NRXN1: variants seen among roughly 807,000 people sequenced by gnomAD.
NRXN1 encodes the protein neurexin-1.
A neutral mutation model predicts 150.9 loss-of-function variants in NRXN1; 39 were observed. The ratio of observed to expected loss-of-function variants is 0.26; its 90% CI spans 0.20 to 0.34. The LOEUF is 0.34. Ranked by LOEUF, NRXN1 falls within the 10% of genes least tolerant of loss-of-function variation. The pLI, the probability that NRXN1 is intolerant of heterozygous loss-of-function variation, is 1.00. For synonymous variants in NRXN1, 924 were observed against 757.0 expected (o/e 1.22, Z -3.62); for missense variants, 1,815 against 1,949.9 (o/e 0.93, Z 1.30).
rs1245871237 is a variant in NRXN1 at position 50,982,270 on chromosome 2, C to A, written c.772+45232G>T. 3.3e-5 allele frequency among the ~76,000 whole-genome samples: 5 copies of A among 152,068 alleles called. No individual in the cohort carries two copies. The South Asian group carries it at 6.2e-4, about 19-fold the overall frequency. On this transcript the variant is annotated intron_variant, in intron 2 of 22. Transcript: ENST00000401669. ...TTGTAAGACTTTCTGAAGAACAAATCAAGACTATTTAGTACCAGATATAAA... is the reference window on the plus strand; with the variant it reads ...TTGTAAGACTTTCTGAAGAACAAATAAAGACTATTTAGTACCAGATATAAA...
chr2:50,478,115 G>A (rs2090141498), intron 15 of NRXN1, among the ~76,000 whole-genome samples: 1 of 152,072 alleles, frequency 6.6e-6, no homozygotes, highest in Non-Finnish European at 1.5e-5. Flanking sequence ...TACACTGAGA[G>A]AGCTTGTCTT....
chr2:49,923,876 A>T (rs1241639019), intron 22 of NRXN1, among the ~76,000 whole-genome samples: 1 of 152,212 alleles, frequency 6.6e-6, no homozygotes, highest in Non-Finnish European at 1.5e-5. Context: ...TTTTATGCTG[A>T]ATGTGTCATT....
intron 18 of NRXN1, among the ~76,000 whole-genome samples, chr2:50,099,365 CTTT>C (rs60580965): frequency 6.6e-6 from 1 of 151,484 alleles, no homozygotes; most frequent in Non-Finnish European, 1.5e-5. Context: ...CATCAATTTT[CTTT>C]TTTTTAATTG....
chr2:50,142,619 C>T (rs986979738), intron 18 of NRXN1, among the ~76,000 whole-genome samples: 1 of 151,404 alleles, frequency 6.6e-6, no homozygotes, highest in Non-Finnish European at 1.5e-5. Flanking sequence ...AAAATCAAAC[C>T]ATGAAAGCTA....
At chr2:50,461,004 T>G (rs1474312688) in intron 17 of NRXN1, among the ~76,000 whole-genome samples, 4 of 152,022 alleles carry the variant, frequency 2.6e-5, no homozygotes, top group South Asian at 4.1e-4. Context: ...GTAACATTAC[T>G]CAGATCCAGG....
At chr2:50,593,827 T>C (rs1386710952) in intron 8 of NRXN1, among the ~76,000 whole-genome samples, 1 of 152,168 alleles carries the variant, frequency 6.6e-6, no homozygotes, top group Non-Finnish European at 1.5e-5. Context: ...ATGACATATA[T>C]TGTAAATGTT....
At chr2:49,922,955 A>T (rs1668481688) in intron 22 of NRXN1, among the ~76,000 whole-genome samples, 1 of 152,228 alleles carries the variant, frequency 6.6e-6, no homozygotes, top group African/African-American at 2.4e-5. Flanking sequence ...AGTTTTAAAT[A>T]CAGTCTAGAT....
chr2:50,990,420 T>A (rs1320957745), intron 2 of NRXN1, among the ~76,000 whole-genome samples: 1 of 152,036 alleles, frequency 6.6e-6, no homozygotes, highest in Non-Finnish European at 1.5e-5. Flanking sequence ...TCATTACACT[T>A]TTCTTATCTA....
chr2:50,538,304 A>G lies in NRXN1; in HGVS notation c.2092T>C (p.Tyr698His), dbSNP rs1351258948. 4 of 1,613,766 alleles carry G rather than the reference A, an allele frequency of 2.5e-6. No individual in the cohort carries two copies. The highest frequency in any genetic ancestry group is 3.4e-6 in the Non-Finnish European group (4 of 1,179,838). ...NGMCRDGWNR[Y>H]VCDCSGTGYL... Reference sequence around the variant, plus strand: ...CCTGTTCCGGAACAATCACAGACATATCTGTTCCACCCATCCCTGCACATG... The same window carrying G: ...CCTGTTCCGGAACAATCACAGACATGTCTGTTCCACCCATCCCTGCACATG... Residue 698 changes from tyrosine (Y) to histidine (H), a missense_variant, in exon 10 of 23, where the codon TAT (tyrosine) becomes CAT (histidine). Transcript: ENST00000401669.
intron 21 of NRXN1, among the ~76,000 whole-genome samples, chr2:49,957,919 C>A (rs541017761): frequency 4.1e-4 from 63 of 152,280 alleles, no homozygotes; most frequent in African/African-American, 1.5e-3. Context: ...ATAAAAATAA[C>A]AGCGGGAATA....
intron 5 of NRXN1, among the ~76,000 whole-genome samples, chr2:50,628,391 T>C (rs923368806): frequency 6.6e-6 from 1 of 151,774 alleles, no homozygotes; most frequent in African/African-American, 2.4e-5. Context: ...AAAAATTCAG[T>C]CTGTGGAATA....
At chr2:50,263,434 T>G (rs2068513618) in intron 17 of NRXN1, among the ~76,000 whole-genome samples, 1 of 152,058 alleles carries the variant, frequency 6.6e-6, no homozygotes, top group Admixed American at 6.6e-5. Flanking sequence ...GAGGTCCAAA[T>G]GACACAAATT....
At chr2:50,948,943 T>A (rs1037477157) in intron 2 of NRXN1, among the ~76,000 whole-genome samples, 2 of 152,102 alleles carry the variant, frequency 1.3e-5, no homozygotes, top group African/African-American at 4.8e-5. Flanking sequence ...ATCCACCAAT[T>A]TTGGATCTGG....
At chr2:50,991,185 T>C (rs1275846590) in intron 2 of NRXN1, among the ~76,000 whole-genome samples, 4 of 152,064 alleles carry the variant, frequency 2.6e-5, no homozygotes, top group African/African-American at 9.7e-5. Context: ...TTCCTTTGTC[T>C]ATTCTGAAAT....
chr2:50,819,909 G>T (rs1302242107), intron 5 of NRXN1, among the ~76,000 whole-genome samples: 1 of 151,980 alleles, frequency 6.6e-6, no homozygotes, highest in Non-Finnish European at 1.5e-5. Flanking sequence ...TCCTGTGTTT[G>T]CCATTTGCAT....
At chr2:50,237,420 A>C (rs537835665) in intron 17 of NRXN1, among the ~76,000 whole-genome samples, 1 of 152,032 alleles carries the variant, frequency 6.6e-6, no homozygotes, top group South Asian at 2.1e-4. Context: ...AAGTCGCAAC[A>C]AATGTGCTAG....
chr2:50,072,895 G>C (rs1476592093), intron 19 of NRXN1, among the ~76,000 whole-genome samples: 1 of 152,100 alleles, frequency 6.6e-6, no homozygotes, highest in Non-Finnish European at 1.5e-5. Context: ...ATGACCTCAA[G>C]ATCCCCTATA....
At chr2:51,014,947 G>C (rs1456555779) in intron 2 of NRXN1, among the ~76,000 whole-genome samples, 1 of 152,048 alleles carries the variant, frequency 6.6e-6, no homozygotes, top group African/African-American at 2.4e-5. Context: ...ATGACAGCTA[G>C]AGACAAAGAA....
intron 2 of NRXN1, among the ~76,000 whole-genome samples, chr2:50,949,056 T>C (rs1242856858): frequency 6.6e-6 from 1 of 152,042 alleles, no homozygotes; most frequent in Non-Finnish European, 1.5e-5. Context: ...ATATAATTAA[T>C]TAGTCCAGCA....
Sources: gnomAD v4.1 joint callset for allele counts (sites outside exome capture counted in the v4.1 genomes callset) on GRCh38, gnomAD v4.1.1 for gene constraint, MANE v1.5 for transcripts, NCBI Gene and HGNC (gene_info 2026-07-23, HGNC 2026-07-21) for gene names.